Variants in ACOXL observed in about 807,000 individuals in gnomAD.
The protein encoded by ACOXL is acyl-CoA oxidase like.
ACOXL carries 70 observed loss-of-function variants against 71.9 expected under a neutral mutation model. The observed-to-expected ratio is 0.97, with a 90% confidence interval of 0.80 to 1.19. The LOEUF (loss-of-function observed/expected upper bound fraction) is 1.19. Among genes scored for constraint, ACOXL ranks in the 50% most tolerant of loss-of-function variants. The pLI is 0.00. For missense variants in ACOXL, 703 were observed against 736.3 expected, an observed-to-expected ratio of 0.95 and a Z score of 0.52; for synonymous variants, 253 against 281.6, an observed-to-expected ratio of 0.90 and a Z score of 1.02.
intron 16 of ACOXL, among the ~76,000 whole-genome samples, chr2:111,063,738 A>C (rs1225368914): frequency 6.6e-6 from 1 of 152,204 alleles, no homozygotes; most frequent in African/African-American, 2.4e-5. Flanking sequence ...TGGTCTTACT[A>C]TTTCTATTCA....
At chr2:110,861,702 C>T (rs1355516496) in intron 10 of ACOXL, among the ~76,000 whole-genome samples, 7 of 152,142 alleles carry the variant, frequency 4.6e-5, no homozygotes, top group African/African-American at 1.2e-4. Flanking sequence ...GTCGCTAATC[C>T]GGTGTTTGCA....
intron 16 of ACOXL, among the ~76,000 whole-genome samples, chr2:111,076,916 G>A (rs186974134): frequency 5.9e-5 from 9 of 152,190 alleles, no homozygotes; most frequent in East Asian, 1.9e-4. Flanking sequence ...CTCTCTCTCC[G>A]TGGTCACATT....
At chr2:111,078,730 T>C (rs2067736918) in intron 16 of ACOXL, among the ~76,000 whole-genome samples, 1 of 152,258 alleles carries the variant, frequency 6.6e-6, no homozygotes. Context: ...ACCTTTTTCA[T>C]GCAAGCTACA....
At chr2:111,079,959 A>G (rs2067816649) in intron 16 of ACOXL, among the ~76,000 whole-genome samples, 1 of 151,260 alleles carries the variant, frequency 6.6e-6, no homozygotes, top group East Asian at 1.9e-4. Flanking sequence ...GGGAGGGTGT[A>G]TGTGTCCCAG....
chr2:111,066,107 CAAAA>C (rs2067059705), intron 16 of ACOXL, among the ~76,000 whole-genome samples: 1 of 152,068 alleles, frequency 6.6e-6, no homozygotes, highest in Non-Finnish European at 1.5e-5. Context: ...TTCAGAATAA[CAAAA>C]AATCTGGAAA....
At chr2:110,840,042 T>C (rs1690959142) in intron 9 of ACOXL, among the ~76,000 whole-genome samples, 1 of 149,934 alleles carries the variant, frequency 6.7e-6, no homozygotes, top group Admixed American at 6.7e-5. Flanking sequence ...CAGGCTGGAG[T>C]GCGGTGGCGC....
intron 1 of ACOXL, among the ~76,000 whole-genome samples, chr2:110,763,598 A>G (rs1001189620): frequency 6.6e-6 from 1 of 152,206 alleles, no homozygotes; most frequent in Non-Finnish European, 1.5e-5. Context: ...TTCCTAGGAG[A>G]TCTAGAAGAA....
intron 9 of ACOXL, among the ~76,000 whole-genome samples, chr2:110,821,226 G>A (rs1688557513): frequency 6.6e-6 from 1 of 152,144 alleles, no homozygotes; most frequent in South Asian, 2.1e-4. Context: ...ATAAGCAAAA[G>A]ATTTACAAGG....
chr2:111,086,374 T>A (rs1398797310), intron 16 of ACOXL, among the ~76,000 whole-genome samples: 1 of 152,216 alleles, frequency 6.6e-6, no homozygotes, highest in African/African-American at 2.4e-5. Context: ...CAGGATCAAG[T>A]AGTTTTTATC....
chr2:110,837,626 A>G (rs1690615848), intron 9 of ACOXL, among the ~76,000 whole-genome samples: 1 of 152,014 alleles, frequency 6.6e-6, no homozygotes, highest in South Asian at 2.1e-4. Context: ...TCGCTGGGTC[A>G]TATGGAAACC....
At position 110,974,262 on chromosome 2, in the gene ACOXL, A is replaced by G. The variant is rs192332882; in HGVS notation, c.1060-12846A>G. On this transcript the variant is annotated intron_variant, in intron 12 of 17. Transcript: ENST00000439055. The stretch of plus-strand genomic sequence containing the variant: ...GTTTCACAATATTCTGATATTACCT[A>G]CAGTGCTTTCAGCTTTCTACCAGAA... Among the ~76,000 whole-genome samples the G allele has an allele frequency of 3.9e-3, 596 of 152,324 alleles. 4 individuals are homozygous for G. The highest frequency in any genetic ancestry group is 0.014 in the African/African-American group (564 of 41,580).
chr2:110,833,455 G>A (rs750615482), intron 9 of ACOXL, among the ~76,000 whole-genome samples: 6 of 152,164 alleles, frequency 3.9e-5, no homozygotes, highest in Admixed American at 1.3e-4. Flanking sequence ...GGCTACACAC[G>A]GTCACCATGA....
At chr2:111,017,324 A>G (rs1179732430) in intron 14 of ACOXL, among the ~76,000 whole-genome samples, 1 of 152,220 alleles carries the variant, frequency 6.6e-6, no homozygotes, top group Non-Finnish European at 1.5e-5. Flanking sequence ...AACTGTTCAG[A>G]GTCCATTGTC....
intron 10 of ACOXL, among the ~76,000 whole-genome samples, chr2:110,880,864 A>C (rs1696552919): frequency 6.6e-6 from 1 of 152,188 alleles, no homozygotes; most frequent in Non-Finnish European, 1.5e-5. Flanking sequence ...GAGATTGAGG[A>C]GGCTCCTTTC....
chr2:110,967,777 C>A, intron 12 of ACOXL: 1 of 636,820 alleles, frequency 1.6e-6, no homozygotes, highest in Non-Finnish European at 2.8e-6. Context: ...GAAAAACAGG[C>A]ACTGCTGGGC....
chr2:110,958,408 C>T (rs760863133), intron 12 of ACOXL, among the ~76,000 whole-genome samples: 10 of 152,156 alleles, frequency 6.6e-5, no homozygotes, highest in Non-Finnish European at 1.3e-4. Flanking sequence ...CTGGAAGAAC[C>T]GCTATTGGTT....
At chr2:110,942,147 A>G (rs2060891431) in intron 12 of ACOXL, among the ~76,000 whole-genome samples, 1 of 152,228 alleles carries the variant, frequency 6.6e-6, no homozygotes, top group South Asian at 2.1e-4. Context: ...ATAAGGTAGG[A>G]AAAGAAGAAG....
intron 16 of ACOXL, among the ~76,000 whole-genome samples, chr2:111,081,124 CCT>C (rs1420556754): frequency 6.6e-6 from 1 of 152,264 alleles, no homozygotes; most frequent in African/African-American, 2.4e-5. Context: ...CCAAGAATGC[CCT>C]CTCTCACCAC....
At chr2:110,802,730 A>G (rs530837726) in intron 8 of ACOXL, among the ~76,000 whole-genome samples, 24 of 152,288 alleles carry the variant, frequency 1.6e-4, no homozygotes, top group African/African-American at 5.8e-4. Flanking sequence ...GGGGCTGGGA[A>G]AGGTAGGGAG....
Sources: gnomAD v4.1 joint callset for allele counts (sites outside exome capture counted in the v4.1 genomes callset) on GRCh38, gnomAD v4.1.1 for gene constraint, MANE v1.5 for transcripts, NCBI Gene and HGNC (gene_info 2026-07-23, HGNC 2026-07-21) for gene names.